Variants in SLIT1 observed in about 807,000 individuals in gnomAD.
SLIT1 encodes the protein slit homolog 1 protein.
A neutral mutation model predicts 186.1 loss-of-function variants in SLIT1; 66 were observed. The observed-to-expected ratio is 0.35, with a 90% confidence interval of 0.29 to 0.44. The LOEUF (loss-of-function observed/expected upper bound fraction) is 0.44, where lower values mean the gene tolerates loss of function less well. Among genes scored for constraint, SLIT1 ranks in the 20% least tolerant of loss-of-function variants. The pLI, the probability that SLIT1 is intolerant of heterozygous loss-of-function variation, is 1.00. For missense variants in SLIT1, 1,638 were observed against 2,037.4 expected, an observed-to-expected ratio of 0.80 and a Z score of 3.77; for synonymous variants, 761 against 833.8, an observed-to-expected ratio of 0.91 and a Z score of 1.50.
chr10:97,152,543 G>T (rs577839050), intron 4 of SLIT1, among the ~76,000 whole-genome samples: 1 of 152,230 alleles, frequency 6.6e-6, no homozygotes, highest in African/African-American at 2.4e-5. Context: ...CCATGAGGCA[G>T]CCAGCCCTTA....
intron 4 of SLIT1, among the ~76,000 whole-genome samples, chr10:97,100,081 G>A (rs1389816776): frequency 6.6e-6 from 1 of 152,180 alleles, no homozygotes; most frequent in African/African-American, 2.4e-5. Flanking sequence ...TAAGTGACAT[G>A]ATGTCACACG....
chr10:97,004,619 C>A lies in SLIT1; in HGVS notation c.3710+74G>T. The A allele has an allele frequency of 6.3e-7, 1 of 1,576,818 alleles. No individual in the cohort carries two copies. The highest frequency in any genetic ancestry group is 1.1e-5 in the South Asian group (1 of 88,486). ...TTCTAGAGGTCTCGATAACCACCTG[C>A]TTTTGGCCCAGGAGACCTCGCCCTG... On this transcript the variant is annotated intron_variant, in intron 33 of 36. Transcript: ENST00000266058. This position sits in a 1 kb window ranked among gnomAD's most constrained non-coding sequence, Gnocchi z 5.1.
At chr10:97,106,007 TTTTTG>T (rs916943423) in intron 4 of SLIT1, among the ~76,000 whole-genome samples, 19 of 152,068 alleles carry the variant, frequency 1.2e-4, no homozygotes, top group Admixed American at 1.2e-3. Context: ...CATCCACCGG[TTTTTG>T]TTTTGTTTTG....
intron 25 of SLIT1, among the ~76,000 whole-genome samples, chr10:97,030,270 A>G (rs2134608285): frequency 6.6e-6 from 1 of 152,214 alleles, no homozygotes; most frequent in East Asian, 1.9e-4. Context: ...TACAGCACCT[A>G]TTGGAGGCAG....
intron 4 of SLIT1, among the ~76,000 whole-genome samples, chr10:97,116,439 G>A (rs1290861285): frequency 1.3e-5 from 2 of 152,154 alleles, no homozygotes; most frequent in Non-Finnish European, 1.5e-5. Flanking sequence ...CCAGAGGAGG[G>A]AAGAGTGGAG....
intron 1 of SLIT1, among the ~76,000 whole-genome samples, chr10:97,172,482 G>A (rs1032136332): frequency 9.2e-5 from 14 of 152,238 alleles, no homozygotes; most frequent in African/African-American, 2.9e-4. Context: ...CATGGCACAT[G>A]ATAGATGTTT....
chr10:97,169,672 G>A (rs887504066), intron 1 of SLIT1, among the ~76,000 whole-genome samples: 1 of 152,198 alleles, frequency 6.6e-6, no homozygotes, highest in African/African-American at 2.4e-5. Context: ...AAGGTCCAGA[G>A]CCCACCTGGG....
chr10:97,117,012 A>C (rs1849515603), intron 4 of SLIT1, among the ~76,000 whole-genome samples: 1 of 152,202 alleles, frequency 6.6e-6, no homozygotes, highest in South Asian at 2.1e-4. Flanking sequence ...GTCCACAGTC[A>C]GTACCCAACA....
At chr10:97,008,105 G>A (rs1421398930) in intron 31 of SLIT1, among the ~76,000 whole-genome samples, 1 of 151,960 alleles carries the variant, frequency 6.6e-6, no homozygotes, top group Non-Finnish European at 1.5e-5. Context: ...GCATCCAGAA[G>A]ACATGATCTT....
chr10:97,050,631 CAT>C (rs1848778442), intron 13 of SLIT1, among the ~76,000 whole-genome samples: 1 of 152,202 alleles, frequency 6.6e-6, no homozygotes, highest in African/African-American at 2.4e-5. Flanking sequence ...TAATTTAAAA[CAT>C]ACCAGGATTT....
chr10:97,063,965 A>C (rs1000205905), intron 7 of SLIT1, among the ~76,000 whole-genome samples: 5 of 152,008 alleles, frequency 3.3e-5, no homozygotes, highest in Admixed American at 6.6e-5. Flanking sequence ...GAAAAACCAA[A>C]TTAAGTGGCA....
chr10:97,051,160 T>C (rs114385102), intron 13 of SLIT1, among the ~76,000 whole-genome samples: 1 of 152,266 alleles, frequency 6.6e-6, no homozygotes, highest in African/African-American at 2.4e-5. Flanking sequence ...CTAAAAATCT[T>C]TGGAGGCAGA....
At chr10:97,009,324 C>T (rs1490624540) in intron 31 of SLIT1, among the ~76,000 whole-genome samples, 1 of 152,152 alleles carries the variant, frequency 6.6e-6, no homozygotes, top group Admixed American at 6.5e-5. Context: ...ACTTGAAGTC[C>T]AGAAATATCC....
At chr10:97,063,377 G>T (rs770920650) in intron 8 of SLIT1, 78 bp downstream of exon 8, 30 of 1,517,998 alleles carry the variant, frequency 2.0e-5, no homozygotes, top group Non-Finnish European at 2.7e-5. Flanking sequence ...AGGTATTAAT[G>T]TCGAGATTAG....
intron 4 of SLIT1, among the ~76,000 whole-genome samples, chr10:97,090,969 C>T (rs1377675815): frequency 1.3e-5 from 2 of 152,208 alleles, no homozygotes; most frequent in African/African-American, 4.8e-5. Context: ...GCCTCACTGC[C>T]CCAGGAGGGG....
At chr10:97,009,968 T>C (rs1051685274) in intron 31 of SLIT1, among the ~76,000 whole-genome samples, 4 of 152,202 alleles carry the variant, frequency 2.6e-5, no homozygotes, top group Non-Finnish European at 2.9e-5. Context: ...GTGGTGGGAA[T>C]TGTGCAGCCA....
In SLIT1 at chr10:97,185,896, T is replaced by C. The variant is rs757358057; in HGVS notation, c.-222A>G. ...TTGGGCGGAGGGGGCTCGGCTCCTC[T>C]GCCGTTTCGCCGCCTGCGTCTCCCT... On this transcript the variant is annotated 5_prime_UTR_variant, in exon 1 of 37. Transcript: ENST00000266058. 3.8e-5 allele frequency: 19 copies of C among 494,000 alleles called. No individual in the cohort carries two copies. Among genetic ancestry groups the C allele is most frequent in the Non-Finnish European group, 4.6e-5 (13 of 283,520 alleles). 30.6% of individuals were successfully genotyped at this position (494,000 alleles called of 1,614,324 possible).
chr10:97,064,114 C>G, intron 7 of SLIT1, 54 bp downstream of exon 7: 1 of 1,438,992 alleles, frequency 6.9e-7, no homozygotes, highest in Middle Eastern at 1.9e-4. Flanking sequence ...CCACCCACCC[C>G]CTGGCATCAA....
At chr10:97,045,339 G>A (rs1848725432) in intron 18 of SLIT1, among the ~76,000 whole-genome samples, 1 of 152,124 alleles carries the variant, frequency 6.6e-6, no homozygotes, top group South Asian at 2.1e-4. Context: ...ATATGTAATG[G>A]TGCTCATATT....
Sources: gnomAD v4.1 joint callset for allele counts (sites outside exome capture counted in the v4.1 genomes callset) on GRCh38, gnomAD v4.1.1 for gene constraint, Gnocchi (gnomAD v3.1) non-coding constraint, MANE v1.5 for transcripts, NCBI Gene and HGNC (gene_info 2026-07-23, HGNC 2026-07-21) for gene names.